The following CEACAM3 variants were observed in gnomAD, a reference collection of about 807,000 sequenced individuals.
The protein encoded by CEACAM3 is CEA cell adhesion molecule 3.
Under a neutral mutation model 30.1 loss-of-function variants are expected in CEACAM3, and 32 were observed. The ratio of observed to expected loss-of-function variants is 1.06; its 90% CI spans 0.80 to 1.43. CEACAM3 has a LOEUF of 1.43. CEACAM3 is among the 40% of genes most tolerant of loss of function. The pLI, the probability that CEACAM3 is intolerant of heterozygous loss-of-function variation, is 0.00. For missense variants in CEACAM3, 290 were observed against 316.3 expected, an observed-to-expected ratio of 0.92 and a Z score of 0.63; for synonymous variants, 134 against 127.2, an observed-to-expected ratio of 1.05 and a Z score of -0.36.
chr19:41,796,851 C>G, intron 1 of CEACAM3, 110 bp downstream of exon 1: 1 of 1,161,858 alleles, frequency 8.6e-7, no homozygotes, highest in Non-Finnish European at 1.2e-6. Flanking sequence ...CTGCTGAAGC[C>G]TCAGGGGAGA....
chr19:41,809,770 G>T, intron 3 of CEACAM3, 195 bp from the exon 4 acceptor site: 1 of 625,464 alleles, frequency 1.6e-6, no homozygotes, highest in South Asian at 1.9e-5. Context: ...CTTCCCCTCT[G>T]CTCAGGACAG....
At chr19:41,811,112 G>T in intron 6 of CEACAM3, 60 bp from the exon 7 acceptor site, 2 of 1,572,782 alleles carry the variant, frequency 1.3e-6, no homozygotes, top group Non-Finnish European at 1.7e-6. Flanking sequence ...GAGCCTGGGA[G>T]ACGCCACACC....
chr19:41,811,080 A>G, intron 6 of CEACAM3, 92 bp from the exon 7 acceptor site: 5 of 1,435,676 alleles, frequency 3.5e-6, no homozygotes, highest in African/African-American at 1.4e-5. Flanking sequence ...GTTCAGCCCC[A>G]GAGCAGCCCT....
chr19:41,808,748 G>C, intron 2 of CEACAM3, 65 bp from the exon 3 acceptor site: 1 of 1,303,450 alleles, frequency 7.7e-7, no homozygotes, highest in Non-Finnish European at 1.1e-6. Flanking sequence ...TTCCCTGCAA[G>C]GCCCCTGTGG....
chr19:41,804,099 G>A (rs2073179605), intron 2 of CEACAM3, among the ~76,000 whole-genome samples: 2 of 151,860 alleles, frequency 1.3e-5, no homozygotes, highest in South Asian at 2.1e-4. Flanking sequence ...AAAAAAGAGT[G>A]GGTAAAAAAA....
intron 3 of CEACAM3, 64 bp downstream of exon 3, chr19:41,808,994 G>T (rs973991644): frequency 2.5e-6 from 3 of 1,220,826 alleles, no homozygotes; most frequent in African/African-American, 3.1e-5. Context: ...AAAGAAAGGA[G>T]ACCTTGTCCT....
chr19:41,803,619 A>C (rs2073173629), intron 2 of CEACAM3, among the ~76,000 whole-genome samples: 1 of 151,868 alleles, frequency 6.6e-6, no homozygotes, highest in African/African-American at 2.4e-5. Context: ...GGCGCCCGCC[A>C]CCATGCCCGG....
At chr19:41,798,076 G>A in intron 2 of CEACAM3, 128 bp downstream of exon 2, 1 of 1,456,082 alleles carries the variant, frequency 6.9e-7, no homozygotes, top group Non-Finnish European at 9.2e-7. Context: ...TGGACATTTA[G>A]TGCAGGACAC....
chr19:41,810,945 C>G, intron 6 of CEACAM3, 48 bp downstream of exon 6: 1 of 1,522,066 alleles, frequency 6.6e-7, no homozygotes, highest in South Asian at 1.1e-5. Flanking sequence ...CCAGGGGACC[C>G]AGGATCTTCC....
At chr19:41,803,209 T>C (rs531200236) in intron 2 of CEACAM3, among the ~76,000 whole-genome samples, 4 of 152,242 alleles carry the variant, frequency 2.6e-5, no homozygotes, top group Admixed American at 1.3e-4. Flanking sequence ...GTAGACCCCA[T>C]GCAGGAACAG....
At chr19:41,799,985 T>C (rs1267271618) in intron 2 of CEACAM3, among the ~76,000 whole-genome samples, 3 of 151,992 alleles carry the variant, frequency 2.0e-5, no homozygotes, top group Non-Finnish European at 4.4e-5. Context: ...TGGTCCTGGT[T>C]TGTGGGCGGC....
At chr19:41,805,944 C>A (rs1267723497) in intron 2 of CEACAM3, among the ~76,000 whole-genome samples, 1 of 152,196 alleles carries the variant, frequency 6.6e-6, no homozygotes, top group African/African-American at 2.4e-5. Context: ...CCAAAGCCAC[C>A]AGCTCCTGCA....
chr19:41,810,801 G>A, intron 5 of CEACAM3, 31 bp from the exon 6 acceptor site: 1 of 1,581,232 alleles, frequency 6.3e-7, no homozygotes, highest in African/African-American at 1.3e-5. Flanking sequence ...TTCCAGGCTG[G>A]GCCTCCATGA....
chr19:41,808,945 T>C lies in CEACAM3; in HGVS notation c.542+15T>C, dbSNP rs555221133. 1.3e-6 allele frequency: 2 copies of C among 1,531,612 alleles called. No homozygotes were observed. The highest frequency in any genetic ancestry group is 1.4e-5 in the African/African-American group (1 of 70,774). The allele number at this position is 1,531,612 out of a possible 1,614,324, so 94.9% of individuals were successfully genotyped here. On this transcript the variant is annotated intron_variant, in intron 3 of 6. Coordinates refer to ENST00000357396, the MANE Select transcript of CEACAM3 (RefSeq NM_001815.5). ...AAAACTGGAAGGTACCACAGCTTTT[T>C]CCCATCCTTCTCCCACCCCCTAGGC...
chr19:41,796,689 C>T lies in CEACAM3; in HGVS notation c.12C>T (p.Pro4=), dbSNP rs143094016. MGP[P]SASPHRECIP... ...AGGCAGCAGAGACCATGGGGCCCCC[C>T]TCAGCCTCTCCCCACAGAGAATGCA... Residue 4 remains proline (P), a synonymous_variant, in exon 1 of 7, where the codon CCC becomes CCT. Coordinates refer to ENST00000357396, the MANE Select transcript of CEACAM3 (RefSeq NM_001815.5). 1.9e-6 allele frequency: 3 copies of T among 1,614,042 alleles called. No individual in the cohort carries two copies. The highest frequency in any genetic ancestry group is 1.1e-5 in the South Asian group (1 of 91,092).
Position 41,798,011 on chromosome 19 carries a change from G to A in CEACAM3, c.424+63G>A. 4 of 1,556,296 alleles carry A rather than the reference G, an allele frequency of 2.6e-6. No individual in the cohort carries two copies. The South Asian group carries it at 3.7e-5, about 15-fold the overall frequency. ...AGTTCTACTTCCCACATATGGGATT[G>A]TCAGGCCTGGGCTGTGCCTGTGGCC... On this transcript the variant is annotated intron_variant, in intron 2 of 6. Transcript: ENST00000357396.
intron 4 of CEACAM3, 127 bp from the exon 5 acceptor site, chr19:41,810,196 G>C: frequency 7.5e-7 from 1 of 1,341,992 alleles, no homozygotes; most frequent in Non-Finnish European, 1.0e-6. Context: ...TGTGGGCTCT[G>C]GGTCATGGGT....
rs201996858 is a variant in CEACAM3, at chr19:41,796,640, C to G, written c.-38C>G. 9.2e-4 allele frequency: 1,475 copies of G among 1,611,856 alleles called. 1 individual carries two copies. The highest frequency in any genetic ancestry group is 1.1e-3 in the Non-Finnish European group (1,353 of 1,177,924). Reference sequence around the variant, plus strand: ...CTACAGCATTCCTGGAGCCCAGGCTCTTTTCCACAGAGGAGGAAAGAGCAG... The same window carrying G: ...CTACAGCATTCCTGGAGCCCAGGCTGTTTTCCACAGAGGAGGAAAGAGCAG... On this transcript the variant is annotated 5_prime_UTR_variant, in exon 1 of 7. Coordinates refer to ENST00000357396, the MANE Select transcript of CEACAM3 (RefSeq NM_001815.5).
chr19:41,805,887 G>A (rs937057795), intron 2 of CEACAM3, among the ~76,000 whole-genome samples: 5 of 152,174 alleles, frequency 3.3e-5, no homozygotes, highest in Non-Finnish European at 5.9e-5. Flanking sequence ...CCCTCTGCAG[G>A]AGGAGAAAAC....
Sources: allele counts gnomAD v4.1 joint callset (sites outside exome capture counted in the v4.1 genomes callset), GRCh38; gene constraint gnomAD v4.1.1; transcripts MANE v1.5; gene names NCBI Gene and HGNC (gene_info 2026-07-23, HGNC 2026-07-21).